FGF7: variants seen among roughly 807,000 people sequenced by gnomAD.
The protein encoded by FGF7 is fibroblast growth factor 7.
Under a neutral mutation model 20.5 loss-of-function variants are expected in FGF7, and 6 were observed. The ratio of observed to expected loss-of-function variants is 0.29; its 90% CI spans 0.16 to 0.58. FGF7 has a LOEUF of 0.58. FGF7 is among the 20% of genes least tolerant of loss of function. FGF7 has a pLI of 0.90. For missense variants in FGF7, 144 were observed against 228.8 expected (o/e 0.63, Z 2.39); for synonymous variants, 64 against 74.7 (o/e 0.86, Z 0.74).
chr15:49,484,205 T>A (rs2056203717), intron 3 of FGF7, 105 bp from the exon 4 acceptor site: 1 of 712,916 alleles, frequency 1.4e-6, no homozygotes, highest in African/African-American at 1.8e-5. Flanking sequence ...TAAAAAAAGT[T>A]GTGTATGTTT....
chr15:49,441,835 C>T (rs2051679658), intron 2 of FGF7, among the ~76,000 whole-genome samples: 2 of 151,228 alleles, frequency 1.3e-5, no homozygotes, highest in South Asian at 2.1e-4. Context: ...AGTCACATGA[C>T]TAATTGCATA....
intron 2 of FGF7, among the ~76,000 whole-genome samples, chr15:49,443,233 TAAAAG>T (rs942136756): frequency 4.0e-5 from 6 of 151,684 alleles, no homozygotes; most frequent in African/African-American, 9.7e-5. Flanking sequence ...TAAATTACAT[TAAAAG>T]AAAAGTAATA....
intron 2 of FGF7, among the ~76,000 whole-genome samples, chr15:49,482,892 C>T (rs2056075658): frequency 6.6e-6 from 1 of 151,908 alleles, no homozygotes; most frequent in South Asian, 2.1e-4. Context: ...AAAAGCTGAA[C>T]TCAAATATGT....
intron 2 of FGF7, among the ~76,000 whole-genome samples, chr15:49,432,907 CA>C (rs2050744733): frequency 6.6e-6 from 1 of 151,594 alleles, no homozygotes; most frequent in South Asian, 2.1e-4. Context: ...ATAAACTAAC[CA>C]AAAACATTTC....
At chr15:49,472,944 T>C (rs2054913751) in intron 2 of FGF7, among the ~76,000 whole-genome samples, 1 of 152,194 alleles carries the variant, frequency 6.6e-6, no homozygotes, top group East Asian at 1.9e-4. Flanking sequence ...GTATCAGTTA[T>C]TTGTGATTTA....
intron 2 of FGF7, among the ~76,000 whole-genome samples, chr15:49,430,519 A>G (rs2050512911): frequency 6.6e-6 from 1 of 151,856 alleles, no homozygotes; most frequent in Admixed American, 6.6e-5. Context: ...CTTTGTGTTG[A>G]TATAAGAGAA....
chr15:49,462,073 C>T (rs574151959), intron 2 of FGF7, among the ~76,000 whole-genome samples: 28 of 151,970 alleles, frequency 1.8e-4, no homozygotes, highest in Non-Finnish European at 3.8e-4. Context: ...GAGCTGAGAT[C>T]GTGCCACTGT....
At chr15:49,434,075 T>A (rs916382909) in intron 2 of FGF7, among the ~76,000 whole-genome samples, 2 of 151,464 alleles carry the variant, frequency 1.3e-5, no homozygotes, top group Non-Finnish European at 3.0e-5. Flanking sequence ...AGTTGGTGAA[T>A]CCACTCTCAA....
chr15:49,481,230 C>T (rs1272423429), intron 2 of FGF7, among the ~76,000 whole-genome samples: 1 of 152,160 alleles, frequency 6.6e-6, no homozygotes, highest in East Asian at 1.9e-4. Context: ...CAGTTTTTGT[C>T]ATAAAAGTAA....
At chr15:49,430,711 A>T (rs565218193) in intron 2 of FGF7, among the ~76,000 whole-genome samples, 10 of 151,770 alleles carry the variant, frequency 6.6e-5, no homozygotes, top group Non-Finnish European at 1.2e-4. Context: ...CAGGGCTGAA[A>T]TCATTTTTTC....
intron 2 of FGF7, among the ~76,000 whole-genome samples, chr15:49,427,015 T>C (rs533024526): frequency 3.8e-4 from 58 of 152,142 alleles, no homozygotes; most frequent in African/African-American, 1.3e-3. Flanking sequence ...CTCTTTTTTT[T>C]CTATAGGAAG....
intron 2 of FGF7, among the ~76,000 whole-genome samples, chr15:49,441,542 T>C (rs1255393755): frequency 1.3e-5 from 2 of 151,514 alleles, no homozygotes; most frequent in Admixed American, 6.6e-5. Flanking sequence ...ACAGACAAAG[T>C]GGGACACAAA....
intron 2 of FGF7, among the ~76,000 whole-genome samples, chr15:49,471,601 G>C (rs1245903423): frequency 6.6e-6 from 1 of 151,728 alleles, no homozygotes; most frequent in African/African-American, 2.4e-5. Context: ...ACATAGTTAA[G>C]TAATCAATGA....
intron 2 of FGF7, among the ~76,000 whole-genome samples, chr15:49,454,860 C>T (rs1045462144): frequency 3.9e-5 from 6 of 152,108 alleles, no homozygotes; most frequent in Non-Finnish European, 7.4e-5. Context: ...CCGCTCGCCT[C>T]GGCCTCCCAA....
intron 2 of FGF7, among the ~76,000 whole-genome samples, chr15:49,426,921 C>G (rs2050180272): frequency 6.6e-6 from 1 of 151,872 alleles, no homozygotes; most frequent in Non-Finnish European, 1.5e-5. Context: ...TAAGTAAACC[C>G]TAAAACTGTC....
At chr15:49,447,599 T>C (rs912878257) in intron 2 of FGF7, among the ~76,000 whole-genome samples, 1 of 151,762 alleles carries the variant, frequency 6.6e-6, no homozygotes, top group African/African-American at 2.4e-5. Flanking sequence ...GTGGTGTATT[T>C]GCTTGGGGTG....
chr15:49,460,699 T>G (rs780306641), intron 2 of FGF7, among the ~76,000 whole-genome samples: 1 of 152,176 alleles, frequency 6.6e-6, no homozygotes. Flanking sequence ...ACCAGTCATG[T>G]ATATAATAAT....
chr15:49,465,671 C>G (rs2151945925), intron 2 of FGF7, among the ~76,000 whole-genome samples: 1 of 152,208 alleles, frequency 6.6e-6, no homozygotes, highest in East Asian at 1.9e-4. Flanking sequence ...TCATAAAATA[C>G]AATCTGAGAT....
intron 2 of FGF7, among the ~76,000 whole-genome samples, chr15:49,463,188 A>G (rs890602720): frequency 6.6e-6 from 1 of 152,162 alleles, no homozygotes; most frequent in African/African-American, 2.4e-5. Flanking sequence ...CCTCTTGCCA[A>G]TTTATCTCCC....
Sources: allele counts gnomAD v4.1 joint callset (sites outside exome capture counted in the v4.1 genomes callset), GRCh38; gene constraint gnomAD v4.1.1; transcripts MANE v1.5; gene names NCBI Gene and HGNC (gene_info 2026-07-23, HGNC 2026-07-21).